Variants in CNTLN observed in about 807,000 individuals in gnomAD.
CNTLN encodes the protein centlein, centrosomal protein.
A neutral mutation model predicts 180.0 loss-of-function variants in CNTLN; 212 were observed. That is an observed-to-expected ratio of 1.18 (90% confidence interval 1.05 to 1.32). The LOEUF (loss-of-function observed/expected upper bound fraction) is 1.32. Among genes scored for constraint, CNTLN ranks in the 40% most tolerant of loss-of-function variants. CNTLN has a pLI of 0.00. For synonymous variants in CNTLN, 722 were observed against 563.1 expected (o/e 1.28, Z -3.99); for missense variants, 2,095 against 1,610.9 (o/e 1.30, Z -5.14).
intron 25 of CNTLN, among the ~76,000 whole-genome samples, chr9:17,493,399 G>C (rs988788816): frequency 1.4e-4 from 22 of 152,066 alleles, no homozygotes; most frequent in African/African-American, 5.1e-4. Context: ...GTATGGAACA[G>C]TTTTGCCTTC....
chr9:17,299,684 T>G, intron 7 of CNTLN: 1 of 976,648 alleles, frequency 1.0e-6, no homozygotes, highest in Non-Finnish European at 1.2e-6. Context: ...CATTGCCCAC[T>G]GTGTTTTTTG....
intron 2 of CNTLN, among the ~76,000 whole-genome samples, chr9:17,212,930 T>G (rs1354665399): frequency 6.6e-6 from 1 of 152,216 alleles, no homozygotes; most frequent in Non-Finnish European, 1.5e-5. Context: ...TTGCGTCTAT[T>G]TGATTCTTCT....
At chr9:17,365,787 G>T (rs1292693432) in intron 12 of CNTLN, among the ~76,000 whole-genome samples, 1 of 151,960 alleles carries the variant, frequency 6.6e-6, no homozygotes, top group Non-Finnish European at 1.5e-5. Flanking sequence ...AACCCTGATT[G>T]TACAAAAAAT....
chr9:17,298,197 C>A lies in CNTLN; in HGVS notation c.991C>A (p.Leu331Met). Residue 331 changes from leucine to methionine, a missense_variant, in exon 7 of 26, where the codon CTG (leucine) becomes ATG (methionine). Physicochemically the swap from Leu to Met is conservative, Grantham distance 15. Coordinates refer to ENST00000380647, the MANE Select transcript of CNTLN (RefSeq NM_017738.4). ...DMDITLVRKE[L>M]QELQNLYKQN... is the part of the protein sequence containing the mutation. ...ATTGCTTGCTTTGCACAGGAAGGAA[C>A]TGCAGGAGCTGCAGAATCTTTACAA... 2 of 1,517,856 alleles carry A rather than the reference C, an allele frequency of 1.3e-6. No individual in the cohort carries two copies. The highest frequency in any genetic ancestry group is 1.8e-6 in the Non-Finnish European group (2 of 1,133,630). 94.0% of individuals were successfully genotyped at this position (1,517,856 alleles called of 1,614,324 possible). A position where few individuals can be genotyped will look rare whatever the true frequency, so the allele number is the denominator to read the frequency against.
chr9:17,230,676 C>G (rs984120269), intron 3 of CNTLN, among the ~76,000 whole-genome samples: 1 of 151,942 alleles, frequency 6.6e-6, no homozygotes. Context: ...AAAGAATACT[C>G]TGAGTGTGTT....
intron 18 of CNTLN, among the ~76,000 whole-genome samples, chr9:17,456,315 T>C (rs1831110786): frequency 6.6e-6 from 1 of 152,086 alleles, no homozygotes. Context: ...CATAAACAAT[T>C]TCCTAAAAAT....
chr9:17,465,147 T>G (rs1831674178), intron 21 of CNTLN, among the ~76,000 whole-genome samples: 1 of 150,256 alleles, frequency 6.7e-6, no homozygotes, highest in South Asian at 2.1e-4. Flanking sequence ...TGAAGGTGCT[T>G]TTTTCACAAC....
rs564433152 is a variant in CNTLN, at chr9:17,418,451, G to A, written c.3114+2262G>A. ...CTCTAACATAATAACCAAAGCTTGG[G>A]ATGGAAGATGTCAAGATCCCAGATT... On this transcript the variant is annotated intron_variant, in intron 18 of 25. Transcript: ENST00000380647. Among the ~76,000 whole-genome samples, 31 of 152,062 alleles carry A rather than the reference G, an allele frequency of 2.0e-4. No homozygotes were observed. In the Middle Eastern group the frequency reaches 0.01, roughly 50 times the overall value.
intron 2 of CNTLN, among the ~76,000 whole-genome samples, chr9:17,212,563 G>A (rs1264198649): frequency 6.6e-6 from 1 of 152,162 alleles, no homozygotes; most frequent in East Asian, 1.9e-4. Flanking sequence ...GATGATGCTG[G>A]CCTCATAGAA....
At chr9:17,228,046 AT>A (rs1160722169) in intron 3 of CNTLN, among the ~76,000 whole-genome samples, 2 of 152,010 alleles carry the variant, frequency 1.3e-5, no homozygotes, top group Non-Finnish European at 2.9e-5. Flanking sequence ...GATTCAGGCG[AT>A]TTGAGAAAAT....
At chr9:17,338,043 C>T (rs901670949) in intron 10 of CNTLN, among the ~76,000 whole-genome samples, 1 of 152,064 alleles carries the variant, frequency 6.6e-6, no homozygotes, top group African/African-American at 2.4e-5. Flanking sequence ...ATAAGATACA[C>T]ATTTTAGTTT....
chr9:17,446,819 T>C (rs1358334624), intron 18 of CNTLN, among the ~76,000 whole-genome samples: 2 of 152,130 alleles, frequency 1.3e-5, no homozygotes, highest in Non-Finnish European at 2.9e-5. Context: ...ACTATTGTAA[T>C]AGCACACCAC....
At position 17,317,293 on chromosome 9, in the gene CNTLN, C is replaced by T. The variant is rs776527311; in HGVS notation, c.1341+8041C>T. 7.9e-4 allele frequency among the ~76,000 whole-genome samples: 120 copies of T among 152,114 alleles called. 4 individuals carry two copies. Among genetic ancestry groups the T allele is most frequent in the Non-Finnish European group, 4.9e-4 (33 of 67,984 alleles). On this transcript the variant is annotated intron_variant, in intron 8 of 25. Transcript: ENST00000380647. ...TATGGACAGTTTAAATAATGGCTCT[C>T]ATGTTATATGGAAGATACAGACAGG...
chr9:17,521,474 CT>C, the CNTLN span, among the ~76,000 whole-genome samples: 7 of 152,116 alleles, frequency 4.6e-5, no homozygotes, highest in African/African-American at 7.2e-5. Context: ...TTGAATAATT[CT>C]TTTTTTCCCC....
chr9:17,489,135 C>CA (rs1554730909), intron 25 of CNTLN, among the ~76,000 whole-genome samples: 2 of 147,528 alleles, frequency 1.4e-5, no homozygotes, highest in African/African-American at 5.0e-5. Flanking sequence ...TAGAAAACAC[C>CA]TTTTTTTTTT....
At chr9:17,389,599 T>C (rs374043856) in intron 14 of CNTLN, among the ~76,000 whole-genome samples, 2 of 152,138 alleles carry the variant, frequency 1.3e-5, no homozygotes, top group African/African-American at 4.8e-5. Flanking sequence ...ATTTACCTAA[T>C]GTAGTTTTAT....
chr9:17,214,344 G>T (rs963279035), intron 2 of CNTLN, among the ~76,000 whole-genome samples: 2 of 152,146 alleles, frequency 1.3e-5, no homozygotes, highest in Non-Finnish European at 2.9e-5. Flanking sequence ...GAAATTCTGG[G>T]TTGAAAATTA....
intron 7 of CNTLN, chr9:17,298,968 G>A (rs554596816): frequency 3.0e-6 from 3 of 983,810 alleles, no homozygotes; most frequent in Non-Finnish European, 2.4e-6. Flanking sequence ...TATTGGCCGG[G>A]CATGGTGGCT....
Position 17,457,626 on chromosome 9 carries a change from C to T in CNTLN, c.3217C>T (p.Gln1073Ter). Residue 1073 changes from glutamine to a stop codon, truncating the protein, a stop_gained, in exon 19 of 26, where the codon CAG (glutamine) becomes TAG (stop). Coordinates refer to ENST00000380647, the MANE Select transcript of CNTLN (RefSeq NM_017738.4). LOFTEE classifies it high-confidence loss of function. ...CACAAGTTTGGCAGAAGAAAATTCC[C>T]AGGTAACATTTCCACGGATACAAGT... ...EITSLAEENS[Q>*]VTFPRIQVTS... is the part of the protein sequence containing the mutation. 6.4e-7 allele frequency: 1 copy of T among 1,564,152 alleles called. No individual in the cohort carries two copies. Among genetic ancestry groups the T allele is most frequent in the Non-Finnish European group, 8.7e-7 (1 of 1,153,248 alleles).
Sources: gnomAD v4.1 joint callset for allele counts (sites outside exome capture counted in the v4.1 genomes callset) on GRCh38, gnomAD v4.1.1 for gene constraint, MANE v1.5 for transcripts, NCBI Gene and HGNC (gene_info 2026-07-23, HGNC 2026-07-21) for gene names.